The following CRACR2A variants were observed in gnomAD, a reference collection of about 807,000 sequenced individuals.
The protein encoded by CRACR2A is calcium release activated channel regulator 2A.
A neutral mutation model predicts 90.5 loss-of-function variants in CRACR2A; 79 were observed. The observed-to-expected ratio is 0.87, with a 90% CI of 0.73 to 1.05. CRACR2A has a LOEUF of 1.05. Among genes scored for constraint, CRACR2A ranks in the 50% least tolerant of loss-of-function variants. CRACR2A has a pLI of 0.00. For synonymous variants in CRACR2A, 338 were observed against 356.7 expected (o/e 0.95, Z 0.59); for missense variants, 823 against 897.2 (o/e 0.92, Z 1.06).
At chr12:3,653,063 A>G (rs546469857) in intron 10 of CRACR2A, among the ~76,000 whole-genome samples, 2 of 150,616 alleles carry the variant, frequency 1.3e-5, no homozygotes, top group African/African-American at 4.9e-5. Flanking sequence ...GCTCACTGTA[A>G]CCTCTGCCTC....
intron 15 of CRACR2A, among the ~76,000 whole-genome samples, chr12:3,629,576 T>C (rs1003855525): frequency 1.2e-4 from 18 of 152,214 alleles, no homozygotes. Context: ...CTGGTAAGGC[T>C]TGCAGGTAGA....
chr12:3,733,876 C>G (rs1188666832), intron 1 of CRACR2A, among the ~76,000 whole-genome samples: 1 of 66,188 alleles, frequency 1.5e-5, no homozygotes, highest in African/African-American at 6.2e-5. Flanking sequence ...TTTCAGGACA[C>G]ACACACACAC....
chr12:3,652,438 C>T lies in CRACR2A; in HGVS notation c.1046+1774G>A, dbSNP rs549476031. 2.0e-5 allele frequency among the ~76,000 whole-genome samples: 3 copies of T among 152,304 alleles called. No individual in the cohort carries two copies. In the South Asian group the frequency reaches 6.2e-4, roughly 32 times the overall value. On this transcript the variant is annotated intron_variant, in intron 10 of 19. Transcript: ENST00000440314. Reference sequence around the variant, plus strand: ...AATGGAGGGGCTTATTTTAAGTCAGCTACTTGGGAGTTTTTTTGTTTTTGC... The same window carrying T: ...AATGGAGGGGCTTATTTTAAGTCAGTTACTTGGGAGTTTTTTTGTTTTTGC...
At chr12:3,629,432 G>T (rs975678637) in intron 15 of CRACR2A, among the ~76,000 whole-genome samples, 4 of 152,216 alleles carry the variant, frequency 2.6e-5, no homozygotes, top group Non-Finnish European at 5.9e-5. Context: ...GGCTGTCCCG[G>T]TCTGTGCTCT....
At chr12:3,710,743 A>G (rs558101264) in intron 3 of CRACR2A, among the ~76,000 whole-genome samples, 1 of 151,806 alleles carries the variant, frequency 6.6e-6, no homozygotes, top group Non-Finnish European at 1.5e-5. Context: ...CAGTGAGCCA[A>G]GATTGTGCCA....
intron 1 of CRACR2A, among the ~76,000 whole-genome samples, chr12:3,747,876 T>A (rs1241367759): frequency 6.6e-6 from 1 of 152,022 alleles, no homozygotes; most frequent in East Asian, 1.9e-4. Context: ...CTCCACAGGC[T>A]CAGGGGTGCA....
chr12:3,751,974 T>G (rs554554834), intron 1 of CRACR2A, among the ~76,000 whole-genome samples: 2 of 152,206 alleles, frequency 1.3e-5, no homozygotes, highest in Non-Finnish European at 2.9e-5. Context: ...AAATGCTGAT[T>G]CCACGTGGAG....
At chr12:3,643,903 T>A (rs1278955396) in intron 12 of CRACR2A, among the ~76,000 whole-genome samples, 4 of 97,522 alleles carry the variant, frequency 4.1e-5, no homozygotes, top group Admixed American at 3.0e-4. Flanking sequence ...TAATATATAT[T>A]ATATATATTT....
rs539560963 is a variant in CRACR2A, at chr12:3,650,412, A to G, written c.1047-1799T>C. The stretch of plus-strand genomic sequence containing the variant: ...CTCAGACAATTCCAATTGAGCAACA[A>G]ACTTTCTCTGGCTCCTGCAGAGATG... On this transcript the variant is annotated intron_variant, in intron 10 of 19. Transcript: ENST00000440314. 1.4e-3 allele frequency among the ~76,000 whole-genome samples: 208 copies of G among 152,328 alleles called. 2 individuals carry two copies. Among genetic ancestry groups the G allele is most frequent in the African/African-American group, 4.9e-3 (203 of 41,576 alleles).
chr12:3,696,190 G>C (rs1391689531), intron 4 of CRACR2A, among the ~76,000 whole-genome samples: 1 of 152,208 alleles, frequency 6.6e-6, no homozygotes, highest in Admixed American at 6.5e-5. Flanking sequence ...GAGACTGTAA[G>C]GTCCACAAAG....
rs901937533 is a variant in CRACR2A, at chr12:3,715,596, C to A, written c.-117-2279G>T. The stretch of plus-strand genomic sequence containing the variant: ...GTCCCAAGTCCACATATGATTGTCA[C>A]TGGGAGAGGTCACTGAAGGCCAGGA... On this transcript the variant is annotated intron_variant, in intron 2 of 19. Coordinates refer to ENST00000440314, the MANE Select transcript of CRACR2A (RefSeq NM_001144958.2). 2.0e-5 allele frequency among the ~76,000 whole-genome samples: 3 copies of A among 152,164 alleles called. No individual in the cohort carries two copies. In the South Asian group the frequency reaches 6.2e-4, roughly 31 times the overall value.
intron 2 of CRACR2A, among the ~76,000 whole-genome samples, chr12:3,718,304 A>C (rs1450918561): frequency 6.6e-6 from 1 of 152,204 alleles, no homozygotes; most frequent in Non-Finnish European, 1.5e-5. Context: ...CTCTTTTTGC[A>C]TGAGCTCAGC....
intron 7 of CRACR2A, among the ~76,000 whole-genome samples, chr12:3,666,360 C>T (rs11062757): frequency 0.38 from 30,778 of 80,634 alleles, 3,716 homozygotes; most frequent in East Asian, 0.6. Flanking sequence ...TGTGTGCGTG[C>T]GTGTGCGCGT....
chr12:3,739,380 C>T (rs1176851122), intron 1 of CRACR2A, among the ~76,000 whole-genome samples: 3 of 152,128 alleles, frequency 2.0e-5, no homozygotes, highest in African/African-American at 4.8e-5. Context: ...TGAGCAAATA[C>T]CTACGAATGC....
At chr12:3,662,387 C>T (rs1052629945) in intron 7 of CRACR2A, among the ~76,000 whole-genome samples, 12 of 152,216 alleles carry the variant, frequency 7.9e-5, no homozygotes, top group African/African-American at 2.7e-4. Context: ...CTCCTTTCCT[C>T]AGTGTGACCT....
chr12:3,721,719 A>G (rs1418233708), intron 2 of CRACR2A, among the ~76,000 whole-genome samples: 1 of 152,206 alleles, frequency 6.6e-6, no homozygotes. Flanking sequence ...AGACATGTAC[A>G]CTGAAAAAAG....
chr12:3,716,793 G>T (rs1171793650), intron 2 of CRACR2A, among the ~76,000 whole-genome samples: 1 of 152,086 alleles, frequency 6.6e-6, no homozygotes, highest in African/African-American at 2.4e-5. Context: ...CAGAATTTGT[G>T]TTGCTTTGAT....
chr12:3,745,192 A>AG (rs1183008826), intron 1 of CRACR2A, among the ~76,000 whole-genome samples: 2 of 152,036 alleles, frequency 1.3e-5, no homozygotes, highest in African/African-American at 4.8e-5. Context: ...GTTCAATCCA[A>AG]ACTCCCAGAA....
intron 19 of CRACR2A, among the ~76,000 whole-genome samples, chr12:3,615,814 G>A (rs1464443586): frequency 1.3e-5 from 2 of 152,172 alleles, no homozygotes; most frequent in Non-Finnish European, 2.9e-5. Flanking sequence ...AGTTGCTTGG[G>A]ACTGAGACTT....
Sources: gnomAD v4.1 joint callset for allele counts (sites outside exome capture counted in the v4.1 genomes callset) on GRCh38, gnomAD v4.1.1 for gene constraint, MANE v1.5 for transcripts, NCBI Gene and HGNC (gene_info 2026-07-23, HGNC 2026-07-21) for gene names.